Variants in WWC1 observed in about 807,000 individuals in gnomAD.
WWC1 encodes WW and C2 domain containing 1.
Under a neutral mutation model 138.4 loss-of-function variants are expected in WWC1, and 55 were observed. That is an observed-to-expected ratio of 0.40 (90% CI 0.32 to 0.50). WWC1 has a LOEUF of 0.50. Among genes scored for constraint, WWC1 ranks in the 20% least tolerant of loss-of-function variants. The pLI, the probability that WWC1 is intolerant of heterozygous loss-of-function variation, is 0.72. For synonymous variants in WWC1, 524 were observed against 564.9 expected, an observed-to-expected ratio of 0.93 and a Z score of 1.03; for missense variants, 1,226 against 1,420.4, an observed-to-expected ratio of 0.86 and a Z score of 2.20.
In WWC1 at chr5:168,430,191, T is replaced by G. The variant is rs754258774; in HGVS notation, c.2055T>G (p.Leu685=). 5 of 1,614,070 alleles carry G rather than the reference T, an allele frequency of 3.1e-6. No homozygotes were observed. The highest frequency in any genetic ancestry group is 2.2e-5 in the South Asian group (2 of 91,000). The part of the protein sequence containing the change: ...FAILIIQLSN[L]SALLQQQDQK... ...TATTAATCATCCAGCTGAGTAACCT[T>G]TCTGCTCTGTTGCAGCAACAAGACC... Residue 685 remains leucine, a synonymous_variant, in exon 14 of 23, where the codon CTT becomes CTG. Coordinates refer to ENST00000265293, the MANE Select transcript of WWC1 (RefSeq NM_015238.3).
chr5:168,416,920 T>C (rs2014571), intron 9 of WWC1, among the ~76,000 whole-genome samples: 82,610 of 151,992 alleles, frequency 0.54, 24,076 homozygotes, highest in East Asian at 0.77. Flanking sequence ...CAGGCTGGAG[T>C]GCAGTGGCAC....
intron 5 of WWC1, among the ~76,000 whole-genome samples, chr5:168,400,164 T>C (rs1779204716): frequency 6.8e-6 from 1 of 148,004 alleles, no homozygotes; most frequent in Non-Finnish European, 1.5e-5. Flanking sequence ...CTCCGTTGTG[T>C]CTTCTTCTTC....
chr5:168,383,907 C>T (rs2152817873), intron 2 of WWC1, among the ~76,000 whole-genome samples: 1 of 152,122 alleles, frequency 6.6e-6, no homozygotes, highest in South Asian at 2.1e-4. Flanking sequence ...TTTTTCAGAT[C>T]ATTAGTGTAT....
At chr5:168,335,896 C>A (rs1773414455) in intron 1 of WWC1, among the ~76,000 whole-genome samples, 1 of 152,228 alleles carries the variant, frequency 6.6e-6, no homozygotes, top group Admixed American at 6.5e-5. Context: ...GCTCCCTCTA[C>A]CCAGAAAGCC....
intron 1 of WWC1, among the ~76,000 whole-genome samples, chr5:168,358,539 G>A (rs944248865): frequency 2.6e-5 from 4 of 152,218 alleles, no homozygotes; most frequent in African/African-American, 9.6e-5. Flanking sequence ...TATAGCTGAG[G>A]ATTGATACCA....
chr5:168,397,709 CT>C lies in WWC1; in HGVS notation c.434-9del. On this transcript the variant is annotated splice_polypyrimidine_tract_variant and intron_variant, in intron 3 of 22. Coordinates refer to ENST00000265293, the MANE Select transcript of WWC1 (RefSeq NM_015238.3). ...TTCTTCTACTGATATTCTTGTTTTTCTTTTTTCCTTACAGTGGTCTCTGGTT... is the reference window on the plus strand; with the variant it reads ...TTCTTCTACTGATATTCTTGTTTTTCTTTTTCCTTACAGTGGTCTCTGGTT... 1 of 1,613,578 alleles carries C rather than the reference CT, an allele frequency of 6.2e-7. No individual in the cohort carries two copies. The highest frequency in any genetic ancestry group is 1.3e-5 in the African/African-American group (1 of 74,978).
chr5:168,322,787 A>G (rs1446246685), intron 1 of WWC1, among the ~76,000 whole-genome samples: 1 of 152,136 alleles, frequency 6.6e-6, no homozygotes, highest in Non-Finnish European at 1.5e-5. Context: ...ATGCTTTTCT[A>G]CCCCACCATT....
intron 1 of WWC1, among the ~76,000 whole-genome samples, chr5:168,328,491 T>G (rs1772756790): frequency 6.6e-6 from 1 of 152,150 alleles, no homozygotes; most frequent in East Asian, 1.9e-4. Context: ...GTCATTCCCC[T>G]TTTCCTTATT....
At chr5:168,396,226 A>G (rs1778891906) in intron 3 of WWC1, among the ~76,000 whole-genome samples, 1 of 152,210 alleles carries the variant, frequency 6.6e-6, no homozygotes, top group South Asian at 2.1e-4. Context: ...TCTGCTAAAA[A>G]TACAAAATTA....
chr5:168,469,138 G>C lies in WWC1; in HGVS notation c.*121G>C. ...CACAAGTCCTCTAGTGCTCTTGTTG[G>C]TTTGAAGATGAACCGACTTTTTAGT... On this transcript the variant is annotated 3_prime_UTR_variant, in exon 23 of 23. Transcript: ENST00000265293. The C allele has an allele frequency of 3.2e-6, 4 of 1,233,382 alleles. No homozygotes were observed. The highest frequency in any genetic ancestry group is 4.6e-6 in the Non-Finnish European group (4 of 866,976). The allele number at this position is 1,233,382 out of a possible 1,614,324, so 76.4% of individuals were successfully genotyped here.
At chr5:168,304,902 C>A (rs547503437) in intron 1 of WWC1, among the ~76,000 whole-genome samples, 2 of 151,800 alleles carry the variant, frequency 1.3e-5, no homozygotes, top group Non-Finnish European at 2.9e-5. Flanking sequence ...TTCAGTTCAC[C>A]GCAACATTTG....
chr5:168,423,206 A>C (rs1781258367), intron 10 of WWC1, among the ~76,000 whole-genome samples: 1 of 151,916 alleles, frequency 6.6e-6, no homozygotes, highest in Non-Finnish European at 1.5e-5. Flanking sequence ...GATATTAAGA[A>C]ATCTTTATTA....
intron 20 of WWC1, 100 bp downstream of exon 20, chr5:168,460,842 C>G: frequency 3.2e-6 from 4 of 1,241,010 alleles, no homozygotes; most frequent in Non-Finnish European, 4.6e-6. Flanking sequence ...GGCCATTTCT[C>G]CTCAGCCACT....
At chr5:168,346,062 G>T (rs1444184824) in intron 1 of WWC1, among the ~76,000 whole-genome samples, 2 of 152,074 alleles carry the variant, frequency 1.3e-5, no homozygotes, top group Non-Finnish European at 2.9e-5. Context: ...TTTCATAACA[G>T]AATCAGATGG....
intron 2 of WWC1, among the ~76,000 whole-genome samples, chr5:168,373,933 C>T (rs895148330): frequency 2.0e-5 from 3 of 150,982 alleles, no homozygotes; most frequent in Non-Finnish European, 2.9e-5. Context: ...GTAATCCCAG[C>T]TGCTCAGGAG....
intron 15 of WWC1, among the ~76,000 whole-genome samples, chr5:168,436,366 T>C (rs1305430464): frequency 1.3e-5 from 2 of 152,164 alleles, no homozygotes; most frequent in Non-Finnish European, 2.9e-5. Flanking sequence ...TCTCCTTTGC[T>C]GATTCTTCCT....
At chr5:168,347,338 C>T (rs1463144529) in intron 1 of WWC1, among the ~76,000 whole-genome samples, 1 of 152,226 alleles carries the variant, frequency 6.6e-6, no homozygotes, top group East Asian at 1.9e-4. Flanking sequence ...TTATTCAGCT[C>T]ACCAGGCTCG....
At chr5:168,308,857 C>T (rs1770805482) in intron 1 of WWC1, among the ~76,000 whole-genome samples, 1 of 152,196 alleles carries the variant, frequency 6.6e-6, no homozygotes, top group African/African-American at 2.4e-5. Context: ...CTCTTCCTTT[C>T]TTCAGTCTTT....
At chr5:168,308,588 G>A (rs946941740) in intron 1 of WWC1, among the ~76,000 whole-genome samples, 2 of 152,092 alleles carry the variant, frequency 1.3e-5, no homozygotes, top group Non-Finnish European at 2.9e-5. Context: ...TGTTGGCCAC[G>A]TGCATCTGAA....
Sources: allele counts gnomAD v4.1 joint callset (sites outside exome capture counted in the v4.1 genomes callset), GRCh38; gene constraint gnomAD v4.1.1; transcripts MANE v1.5; gene names NCBI Gene and HGNC (gene_info 2026-07-23, HGNC 2026-07-21).